PHACTR2: variants seen among roughly 807,000 people sequenced by gnomAD.
PHACTR2 encodes the protein chromosome 6 open reading frame 56.
Under a neutral mutation model 76.0 loss-of-function variants are expected in PHACTR2, and 30 were observed. The ratio of observed to expected loss-of-function variants is 0.39; its 90% CI spans 0.30 to 0.54. The LOEUF (loss-of-function observed/expected upper bound fraction) is 0.54. Ranked by LOEUF, PHACTR2 falls within the 20% of genes least tolerant of loss-of-function variation. PHACTR2 has a pLI of 0.61. For synonymous variants in PHACTR2, 292 were observed against 292.5 expected, an observed-to-expected ratio of 1.00 and a Z score of 0.02; for missense variants, 696 against 781.1, an observed-to-expected ratio of 0.89 and a Z score of 1.30.
chr6:143,710,651 C>T lies in PHACTR2; in HGVS notation c.47-1365C>T, dbSNP rs532655429. On this transcript the variant is annotated intron_variant, in intron 1 of 12. Coordinates refer to ENST00000440869, the MANE Select transcript of PHACTR2 (RefSeq NM_001100164.2). The surrounding 1 kb of genome is among the most constrained non-coding windows in gnomAD (Gnocchi z 4.9). ...GGCGGTGGTTGCAGTGAGCTGAGAT[C>T]GCGCCACTGCACTCCAGCCTGGGCG... is the stretch of plus-strand genomic sequence containing the variant. 2.0e-4 allele frequency among the ~76,000 whole-genome samples: 30 copies of T among 152,206 alleles called. No homozygotes were observed. Among genetic ancestry groups the T allele is most frequent in the Non-Finnish European group, 2.1e-4 (14 of 68,022 alleles).
At chr6:143,645,177 C>T (rs1300137275) in intron 1 of PHACTR2, among the ~76,000 whole-genome samples, 5 of 151,934 alleles carry the variant, frequency 3.3e-5, no homozygotes, top group Non-Finnish European at 7.4e-5. Flanking sequence ...AGTCGTTATA[C>T]AAAAAAGATA....
At chr6:143,630,176 A>G (rs1484967069) in intron 1 of PHACTR2, among the ~76,000 whole-genome samples, 1 of 136,546 alleles carries the variant, frequency 7.3e-6, no homozygotes, top group Non-Finnish European at 1.7e-5. Context: ...ATGTTTATAA[A>G]TATTATTTGA....
chr6:143,808,400 A>G (rs919370360), intron 12 of PHACTR2, among the ~76,000 whole-genome samples: 11 of 152,174 alleles, frequency 7.2e-5, no homozygotes, highest in Non-Finnish European at 1.6e-4. Flanking sequence ...GAATGCTGGG[A>G]TTACAGGCAT....
rs567623609 is a variant in PHACTR2, at chr6:143,540,403, C to G, written c.217+3196C>G. Among the ~76,000 whole-genome samples the G allele has an allele frequency of 3.9e-5, 6 of 152,318 alleles. 1 individual carries two copies. The highest frequency in any genetic ancestry group is 4.4e-5 in the Non-Finnish European group (3 of 68,034). ...CTGCAATCATTACCCCAGCCTCCCC[C>G]ACAGCTCCACCTCCATCCTTCTTTC... is the stretch of plus-strand genomic sequence containing the variant. On this transcript the variant is annotated intron_variant, in intron 1 of 11. Transcript: ENST00000367584.
intron 2 of PHACTR2, among the ~76,000 whole-genome samples, chr6:143,740,238 G>A (rs1361138259): frequency 6.6e-6 from 1 of 152,152 alleles, no homozygotes; most frequent in Non-Finnish European, 1.5e-5. Flanking sequence ...AGGATGAACA[G>A]AGATCACTCT....
chr6:143,585,559 G>T lies in PHACTR2; in HGVS notation c.217+48352G>T, dbSNP rs999658099. 2.0e-5 allele frequency among the ~76,000 whole-genome samples: 3 copies of T among 152,146 alleles called. No individual in the cohort carries two copies. The highest frequency in any genetic ancestry group is 4.4e-5 in the Non-Finnish European group (3 of 68,026). On this transcript the variant is annotated intron_variant, in intron 1 of 11. Coordinates refer to the PHACTR2 transcript ENST00000367584. This position sits in a 1 kb window ranked among gnomAD's most constrained non-coding sequence, Gnocchi z 5.2. ...CAGGAGGCCATACTGTGGCCCTGTA[G>T]CTCAGGGAACATACTGGAGTCTGAT...
chr6:143,561,881 T>C lies in PHACTR2; in HGVS notation c.217+24674T>C, dbSNP rs1420099304. The C allele has an allele frequency of 6.6e-6, 1 of 152,226 alleles. No individual in the cohort carries two copies. Among genetic ancestry groups the C allele is most frequent in the Admixed American group, 6.5e-5 (1 of 15,286 alleles). 9.4% of individuals were successfully genotyped at this position (152,226 alleles called of 1,614,324 possible). A position where few individuals can be genotyped will look rare whatever the true frequency, so the allele number is the denominator to read the frequency against. On this transcript the variant is annotated intron_variant, in intron 1 of 11. Coordinates refer to the PHACTR2 transcript ENST00000367584. The surrounding 1 kb of genome is among the most constrained non-coding windows in gnomAD (Gnocchi z 4.1). ...AGGAAATTCAGGTTGCCTTTGATATTAACCTCCATGAAGACTATCACTGAT... is the reference window on the plus strand; with the variant it reads ...AGGAAATTCAGGTTGCCTTTGATATCAACCTCCATGAAGACTATCACTGAT...
In PHACTR2 at chr6:143,599,326, T is replaced by G. The variant is rs1457855818; in HGVS notation, c.217+62119T>G. Reference sequence around the variant, plus strand: ...TTAAGGAGATCAGGCAGAAATTGATTCATGAGAGAAAAAAGTAACATGCTT... The same window carrying G: ...TTAAGGAGATCAGGCAGAAATTGATGCATGAGAGAAAAAAGTAACATGCTT... On this transcript the variant is annotated intron_variant, in intron 1 of 11. Coordinates refer to the PHACTR2 transcript ENST00000367584. This position sits in a 1 kb window ranked among gnomAD's most constrained non-coding sequence, Gnocchi z 4.6. 6.6e-6 allele frequency among the ~76,000 whole-genome samples: 1 copy of G among 152,194 alleles called. No individual in the cohort carries two copies. Among genetic ancestry groups the G allele is most frequent in the Admixed American group, 6.5e-5 (1 of 15,286 alleles).
At chr6:143,736,609 C>CT (rs1250401724) in intron 2 of PHACTR2, among the ~76,000 whole-genome samples, 2 of 107,336 alleles carry the variant, frequency 1.9e-5, no homozygotes, top group East Asian at 6.2e-4. Flanking sequence ...GAGCCTTGCT[C>CT]TGTCACCCAG....
Position 143,537,063 on chromosome 6 carries a change from C to T in PHACTR2, c.73C>T (p.Pro25Ser), listed in dbSNP as rs1031148170. ...CGGGCAGGCGGCGGCGGTCCCAGTCCCCGAGCCCGAGGCGCCCGCCCCGCC... is the reference window on the plus strand; with the variant it reads ...CGGGCAGGCGGCGGCGGTCCCAGTCTCCGAGCCCGAGGCGCCCGCCCCGCC... The change falls in exon 1 of 12, where the codon CCC (proline) becomes TCC (serine). Residue 25 changes from proline (P) to serine (S), a missense_variant. Pro to Ser is a moderately conservative substitution (Grantham distance 74). Coordinates refer to the PHACTR2 transcript ENST00000367584. This position sits in a 1 kb window ranked among gnomAD's most constrained non-coding sequence, Gnocchi z 4.4. 149 of 193,042 alleles carry T rather than the reference C, an allele frequency of 7.7e-4. 1 individual carries two copies. Among genetic ancestry groups the T allele is most frequent in the African/African-American group, 3.3e-3 (139 of 41,874 alleles). 12.0% of individuals were successfully genotyped at this position (193,042 alleles called of 1,614,324 possible). A position where few individuals can be genotyped will look rare whatever the true frequency, so the allele number is the denominator to read the frequency against.
chr6:143,694,169 G>A (rs1480374408), intron 1 of PHACTR2, among the ~76,000 whole-genome samples: 1 of 149,076 alleles, frequency 6.7e-6, no homozygotes, highest in Non-Finnish European at 1.5e-5. Flanking sequence ...AGGGAGTGGG[G>A]AGGGAAGGAA....
chr6:143,729,537 C>T (rs1460259917), intron 2 of PHACTR2, among the ~76,000 whole-genome samples: 2 of 152,040 alleles, frequency 1.3e-5, no homozygotes, highest in Admixed American at 6.5e-5. Flanking sequence ...TGGGTCAAGG[C>T]TGGTTTTTTG....
rs964671966 is a variant in PHACTR2, at chr6:143,541,716, A to G, written c.217+4509A>G. 1.7e-4 allele frequency among the ~76,000 whole-genome samples: 26 copies of G among 152,156 alleles called. No homozygotes were observed. The highest frequency in any genetic ancestry group is 5.8e-4 in the African/African-American group (24 of 41,430). ...GAAGTGAGAAATCTCGCATACCTCA[A>G]TGTACTATCAGTTCATATGCACTGC... is the stretch of plus-strand genomic sequence containing the variant. On this transcript the variant is annotated intron_variant, in intron 1 of 11. Transcript: ENST00000367584. The surrounding 1 kb of genome is among the most constrained non-coding windows in gnomAD (Gnocchi z 5.3).
At chr6:143,643,887 T>C (rs916993052) in intron 1 of PHACTR2, among the ~76,000 whole-genome samples, 1 of 152,204 alleles carries the variant, frequency 6.6e-6, no homozygotes, top group African/African-American at 2.4e-5. Context: ...TTCTCCTTTG[T>C]ACAAGCCCCT....
At chr6:143,666,122 G>T (rs530110419) in intron 1 of PHACTR2, among the ~76,000 whole-genome samples, 1 of 149,662 alleles carries the variant, frequency 6.7e-6, no homozygotes, top group Non-Finnish European at 1.5e-5. Flanking sequence ...GTGAGAACAT[G>T]TGGTGTTTGG....
At chr6:143,817,979 A>G (rs977535190) in intron 12 of PHACTR2, among the ~76,000 whole-genome samples, 2 of 152,218 alleles carry the variant, frequency 1.3e-5, no homozygotes, top group African/African-American at 4.8e-5. Flanking sequence ...TCAAAAAGCT[A>G]GAAGAGAGAA....
intron 1 of PHACTR2, among the ~76,000 whole-genome samples, chr6:143,586,908 G>A (rs547865245): frequency 6.6e-6 from 1 of 152,252 alleles, no homozygotes; most frequent in Admixed American, 6.5e-5. Context: ...TCATTATGTT[G>A]TCCAAAGTTT....
Position 143,553,510 on chromosome 6 carries a change from A to G in PHACTR2, c.217+16303A>G, listed in dbSNP as rs1184393943. Among the ~76,000 whole-genome samples, 2 of 152,222 alleles carry G rather than the reference A, an allele frequency of 1.3e-5. No individual in the cohort carries two copies. The highest frequency in any genetic ancestry group is 3.8e-4 in the East Asian group (2 of 5,196). ...GCTCCCACCCTCCCACAGAGGCTGG[A>G]GACAGGAGCCCCATCTTCAGATGTT... On this transcript the variant is annotated intron_variant, in intron 1 of 11. Transcript: ENST00000367584. The surrounding 1 kb of genome is among the most constrained non-coding windows in gnomAD (Gnocchi z 4.2).
rs991629099 is a variant in PHACTR2 at position 143,556,209 on chromosome 6, G to C, written c.217+19002G>C. ...CTTTGATTAGAATTTTGTGATACCA[G>C]CTACTGTATAATTCGGCCCCAGTTC... On this transcript the variant is annotated intron_variant, in intron 1 of 11. Coordinates refer to the PHACTR2 transcript ENST00000367584. This position sits in a 1 kb window ranked among gnomAD's most constrained non-coding sequence, Gnocchi z 4.3. 6.6e-6 allele frequency among the ~76,000 whole-genome samples: 1 copy of C among 152,180 alleles called. No homozygotes were observed. Among genetic ancestry groups the C allele is most frequent in the Admixed American group, 6.5e-5 (1 of 15,282 alleles).
Sources: gnomAD v4.1 joint callset for allele counts (sites outside exome capture counted in the v4.1 genomes callset) on GRCh38, gnomAD v4.1.1 for gene constraint, Gnocchi (gnomAD v3.1) non-coding constraint, MANE v1.5 for transcripts, NCBI Gene and HGNC (gene_info 2026-07-23, HGNC 2026-07-21) for gene names.